Variants in FAT4 observed in about 807,000 individuals in gnomAD.
The protein encoded by FAT4 is FAT atypical cadherin 4.
Under a neutral mutation model 303.9 loss-of-function variants are expected in FAT4, and 84 were observed. The observed-to-expected ratio is 0.28, with a 90% CI of 0.23 to 0.33. The LOEUF (loss-of-function observed/expected upper bound fraction) is 0.33, where lower values mean the gene tolerates loss of function less well. FAT4 is among the 10% of genes least tolerant of loss of function. FAT4 has a pLI of 1.00. For synonymous variants in FAT4, 2,307 were observed against 2,298.8 expected (o/e 1.00, Z -0.10); for missense variants, 6,005 against 6,146.8 (o/e 0.98, Z 0.77).
At chr4:125,365,849 G>A (rs575637353) in intron 2 of FAT4, among the ~76,000 whole-genome samples, 47 of 152,222 alleles carry the variant, frequency 3.1e-4, no homozygotes, top group Non-Finnish European at 5.6e-4. Context: ...TCGTTATATA[G>A]GTCAGGAGTT....
chr4:125,315,054 CTG>C lies in FAT4; in HGVS notation c.-921_-920del, dbSNP rs147797766. On this transcript the variant is annotated 5_prime_UTR_variant, in exon 1 of 18. Transcript: ENST00000394329. The stretch of plus-strand genomic sequence containing the variant: ...CCTCTGTTTGTGTTTCGGCGACGCG[CTG>C]TGTGTGTGTGTGTGCGTGTGTATGT... Among the ~76,000 whole-genome samples, 186 of 150,908 alleles carry C rather than the reference CTG, an allele frequency of 1.2e-3. 1 individual carries two copies. The highest frequency in any genetic ancestry group is 4.2e-3 in the African/African-American group (174 of 41,290).
Position 125,318,990 on chromosome 4 carries a change from C to T in FAT4, c.2579C>T (p.Ser860Phe). ...TANVIDREEQ[S>F]FYQLKVVASG... Reference sequence around the variant, plus strand: ...AATGTGATTGATAGAGAAGAGCAATCCTTTTATCAGCTGAAGGTAGTGGCC... The same window carrying T: ...AATGTGATTGATAGAGAAGAGCAATTCTTTTATCAGCTGAAGGTAGTGGCC... The change falls in exon 2 of 18, where the codon TCC (serine) becomes TTC (phenylalanine). Residue 860 changes from serine to phenylalanine, a missense_variant. Physicochemically the swap from Ser to Phe is radical, Grantham distance 155. Coordinates refer to ENST00000394329, the MANE Select transcript of FAT4 (RefSeq NM_001291303.3). 1 of 1,614,166 alleles carries T rather than the reference C, an allele frequency of 6.2e-7. No homozygotes were observed. Among genetic ancestry groups the T allele is most frequent in the Non-Finnish European group, 8.5e-7 (1 of 1,180,036 alleles).
intron 2 of FAT4, among the ~76,000 whole-genome samples, chr4:125,383,956 A>C (rs954457126): frequency 6.6e-6 from 1 of 152,224 alleles, no homozygotes; most frequent in Non-Finnish European, 1.5e-5. Flanking sequence ...TCAGACTGAC[A>C]TACTTCATTG....
intron 3 of FAT4, among the ~76,000 whole-genome samples, chr4:125,404,438 G>A (rs1734509355): frequency 6.6e-6 from 1 of 152,044 alleles, no homozygotes; most frequent in Non-Finnish European, 1.5e-5. Flanking sequence ...TAACATTTTA[G>A]CTTGACTTTC....
chr4:125,398,950 C>T (rs779114192), intron 3 of FAT4, 35 bp downstream of exon 3: 85 of 1,606,382 alleles, frequency 5.3e-5, no homozygotes, highest in East Asian at 1.3e-4. Flanking sequence ...TGTGAAACTT[C>T]GTAGTGCAGT....
chr4:125,331,542 G>A (rs1731382518), intron 2 of FAT4, among the ~76,000 whole-genome samples: 1 of 152,196 alleles, frequency 6.6e-6, no homozygotes, highest in East Asian at 1.9e-4. Flanking sequence ...GTGAAGGAAA[G>A]TGGGACCACT....
chr4:125,413,074 A>T (rs971046792), intron 5 of FAT4, among the ~76,000 whole-genome samples: 1 of 151,824 alleles, frequency 6.6e-6, no homozygotes, highest in Non-Finnish European at 1.5e-5. Context: ...AAATATGTAT[A>T]TGTTATAATG....
intron 8 of FAT4, among the ~76,000 whole-genome samples, chr4:125,444,428 A>G (rs981404103): frequency 2.0e-5 from 3 of 152,104 alleles, no homozygotes; most frequent in Admixed American, 2.0e-4. Context: ...AATGGCATTA[A>G]TCCACTCATA....
At chr4:125,470,663 C>A (rs1486898740) in intron 12 of FAT4, among the ~76,000 whole-genome samples, 1 of 152,170 alleles carries the variant, frequency 6.6e-6, no homozygotes, top group Non-Finnish European at 1.5e-5. Context: ...CCTCTCTCAG[C>A]CTTCATGCAA....
intron 2 of FAT4, among the ~76,000 whole-genome samples, chr4:125,369,482 G>A (rs547892327): frequency 1.3e-5 from 2 of 152,154 alleles, no homozygotes; most frequent in East Asian, 3.9e-4. Context: ...AAATGGCCAA[G>A]AAGAAAAATG....
chr4:125,316,864 A>C lies in FAT4; in HGVS notation c.453A>C (p.Gly151=). The C allele has an allele frequency of 6.2e-7, 1 of 1,613,988 alleles. No individual in the cohort carries two copies. The highest frequency in any genetic ancestry group is 8.5e-7 in the Non-Finnish European group (1 of 1,180,006). Residue 151 remains glycine, a synonymous_variant, in exon 2 of 18, where the codon GGA becomes GGC. Transcript: ENST00000394329. This position sits in a 1 kb window ranked among gnomAD's most constrained non-coding sequence, Gnocchi z 5.7. ...VVTFKEDSSS[G]RQVILDTATD... Reference sequence around the variant, plus strand: ...CTTTCAAGGAAGACAGTAGCAGCGGACGCCAAGTCATCTTAGACACCGCCA... The same window carrying C: ...CTTTCAAGGAAGACAGTAGCAGCGGCCGCCAAGTCATCTTAGACACCGCCA...
chr4:125,424,783 T>A (rs1336693069), intron 7 of FAT4, among the ~76,000 whole-genome samples: 3 of 152,176 alleles, frequency 2.0e-5, no homozygotes, highest in Non-Finnish European at 2.9e-5. Context: ...TGAAACATGA[T>A]GCGGTTAAAT....
intron 16 of FAT4, among the ~76,000 whole-genome samples, chr4:125,484,831 G>A (rs1057095718): frequency 6.6e-6 from 1 of 151,908 alleles, no homozygotes; most frequent in Non-Finnish European, 1.5e-5. Flanking sequence ...CAGTAAAAAG[G>A]CTGCATTGAA....
rs1045120738 is a variant in FAT4, at chr4:125,452,856, A to C, written c.11800+46A>C. 4 of 1,521,434 alleles carry C rather than the reference A, an allele frequency of 2.6e-6. No individual in the cohort carries two copies. In the African/African-American group the frequency reaches 5.6e-5, roughly 21 times the overall value. 94.2% of individuals were successfully genotyped at this position (1,521,434 alleles called of 1,614,324 possible). On this transcript the variant is annotated intron_variant, in intron 10 of 17. Transcript: ENST00000394329. ...TTCTCACTAAGACTTTAGCCATGTC[A>C]AGTATATTGAAACGAAATAATTTTA...
At position 125,448,491 on chromosome 4, in the gene FAT4, A is replaced by G; in HGVS notation, c.7481A>G (p.Asp2494Gly). Reference sequence around the variant, plus strand: ...TTTGTCTTTGCGGTTACAGTCACAGATGCTGATATTGGACCAAATTCTGAA... The same window carrying G: ...TTTGTCTTTGCGGTTACAGTCACAGGTGCTGATATTGGACCAAATTCTGAA... ...GSFVFAVTVT[D>G]ADIGPNSELH... The change falls in exon 10 of 18, where the codon GAT becomes GGT. Residue 2494 changes from aspartate (D) to glycine (G), a missense_variant. Asp to Gly is a moderately conservative substitution (Grantham distance 94). Transcript: ENST00000394329. 6.2e-7 allele frequency: 1 copy of G among 1,610,406 alleles called. No individual in the cohort carries two copies. The highest frequency in any genetic ancestry group is 8.5e-7 in the Non-Finnish European group (1 of 1,177,554).
intron 2 of FAT4, among the ~76,000 whole-genome samples, chr4:125,357,955 C>A (rs1484517027): frequency 1.3e-5 from 2 of 152,082 alleles, no homozygotes; most frequent in Admixed American, 6.6e-5. Context: ...AAGATTGTTT[C>A]CTTTTACCCC....
At position 125,451,971 on chromosome 4, in the gene FAT4, C is replaced by T; in HGVS notation, c.10961C>T (p.Thr3654Ile). The change falls in exon 10 of 18, where the codon ACT becomes ATT. Residue 3654 changes from threonine to isoleucine, a missense_variant. Coordinates refer to ENST00000394329, the MANE Select transcript of FAT4 (RefSeq NM_001291303.3). ...DVLDSFHCSL[T>I]SGVTSLFSIP... ...TTAGACAGCTTCCACTGCTCCCTTACTTCAGGAGTTACCAGCCTCTTCAGT... is the reference window on the plus strand; with the variant it reads ...TTAGACAGCTTCCACTGCTCCCTTATTTCAGGAGTTACCAGCCTCTTCAGT... The T allele has an allele frequency of 6.2e-7, 1 of 1,614,164 alleles. No individual in the cohort carries two copies. Among genetic ancestry groups the T allele is most frequent in the Non-Finnish European group, 8.5e-7 (1 of 1,180,024 alleles).
rs541961072 is a variant in FAT4 at position 125,317,664 on chromosome 4, G to C, written c.1253G>C (p.Ser418Thr). Residue 418 changes from serine (S) to threonine (T), a missense_variant, in exon 2 of 18, where the codon AGC becomes ACC. Coordinates refer to ENST00000394329, the MANE Select transcript of FAT4 (RefSeq NM_001291303.3). This position sits in a 1 kb window ranked among gnomAD's most constrained non-coding sequence, Gnocchi z 7.0. The part of the protein sequence containing the change: ...EVQSSKVPNL[S>T]LIKVASALDR... ...CAAAGCAGCAAAGTGCCGAACCTGA[G>C]CCTAATCAAGGTGGCCAGCGCCTTG... 5.0e-6 allele frequency: 8 copies of C among 1,614,102 alleles called. No individual in the cohort carries two copies. The Admixed American group carries it at 1.0e-4, about 20-fold the overall frequency.
intron 2 of FAT4, among the ~76,000 whole-genome samples, chr4:125,351,638 T>G (rs1431734999): frequency 6.6e-6 from 1 of 151,742 alleles, no homozygotes; most frequent in Non-Finnish European, 1.5e-5. Flanking sequence ...TAGCTTAGTT[T>G]TGTTAATATA....
Sources: gnomAD v4.1 joint callset for allele counts (sites outside exome capture counted in the v4.1 genomes callset) on GRCh38, gnomAD v4.1.1 for gene constraint, Gnocchi (gnomAD v3.1) non-coding constraint, MANE v1.5 for transcripts, NCBI Gene and HGNC (gene_info 2026-07-23, HGNC 2026-07-21) for gene names.